The following SMIM27 variants were observed in gnomAD, a reference collection of about 807,000 sequenced individuals.
The protein encoded by SMIM27 is transition zone microprotein 1, also known as TOPORS antisense RNA 1 (non-protein coding).
In SMIM27, 3 loss-of-function variants were observed where a neutral mutation model predicts 1.8. The observed-to-expected ratio is 1.65, with a 90% CI of 0.75 to 4.28. SMIM27 has a LOEUF of 4.28. SMIM27 is among the 30% of genes most tolerant of loss of function. SMIM27 has a pLI of 0.02. For synonymous variants in SMIM27, 19 were observed against 13.9 expected, an observed-to-expected ratio of 1.37 and a Z score of -0.82; for missense variants, 63 against 37.0, an observed-to-expected ratio of 1.70 and a Z score of -1.83.
chr9:32,553,974 A>G (rs1821381325), downstream of SMIM27: 5 of 1,416,068 alleles, frequency 3.5e-6, no homozygotes, highest in Admixed American at 1.8e-5. Flanking sequence ...GTTAGTACAA[A>G]AATCTTAAGT....
chr9:32,564,892 T>C (rs1476117722), intron 1 of SMIM27, among the ~76,000 whole-genome samples: 1 of 152,224 alleles, frequency 6.6e-6, no homozygotes, highest in East Asian at 1.9e-4. Flanking sequence ...AAATTAACGA[T>C]CGCTCACCAT....
chr9:32,566,176 C>T (rs1821783160), intron 1 of SMIM27: 1 of 728,142 alleles, frequency 1.4e-6, no homozygotes, highest in African/African-American at 1.8e-5. Context: ...AGGCCACTTC[C>T]TCTTCAACCT....
At chr9:32,558,965 A>G in intron 1 of SMIM27, 1 of 1,568,606 alleles carries the variant, frequency 6.4e-7, no homozygotes, top group East Asian at 2.2e-5. Flanking sequence ...CTGTAATAAA[A>G]GTTAACTCTG....
chr9:32,564,969 T>C (rs563857065), intron 1 of SMIM27, among the ~76,000 whole-genome samples: 3 of 152,154 alleles, frequency 2.0e-5, no homozygotes, highest in Non-Finnish European at 4.4e-5. Context: ...TTCATAGACA[T>C]TGGGAGGTTT....
chr9:32,552,583 A>G, intron 1 of SMIM27, 104 bp downstream of exon 1: 1 of 1,019,692 alleles, frequency 9.8e-7, no homozygotes, highest in East Asian at 2.6e-5. Flanking sequence ...TCCATTCCTG[A>G]ATTAAGCATT....
At chr9:32,554,949 T>A (rs551232673), downstream of SMIM27, among the ~76,000 whole-genome samples, 1 of 152,326 alleles carries the variant, frequency 6.6e-6, no homozygotes, top group African/African-American at 2.4e-5. Flanking sequence ...TAGTATGTGT[T>A]TGGATCCTTG....
At chr9:32,557,660 G>A (rs1563992049), downstream of SMIM27, among the ~76,000 whole-genome samples, 4 of 151,622 alleles carry the variant, frequency 2.6e-5, no homozygotes, top group Admixed American at 2.0e-4. Flanking sequence ...TGTATTTTTA[G>A]TAGAGACGGG....
downstream of SMIM27, chr9:32,553,549 A>G (rs1042707626): frequency 8.9e-6 from 2 of 224,314 alleles, no homozygotes; most frequent in African/African-American, 4.7e-5. Flanking sequence ...GTTTATTGTG[A>G]TATTTCACTG....
chr9:32,566,413 C>G, exon 2 of SMIM27: 1 of 877,148 alleles, frequency 1.1e-6, no homozygotes, highest in Non-Finnish European at 2.0e-6. Context: ...GAAGAGGAGC[C>G]TGCTCTCCCT....
At chr9:32,561,230 C>T (rs1364276437) in intron 1 of SMIM27, among the ~76,000 whole-genome samples, 3 of 152,152 alleles carry the variant, frequency 2.0e-5, no homozygotes, top group Non-Finnish European at 4.4e-5. Flanking sequence ...CCTCTTAGAA[C>T]TAACAATCTC....
At chr9:32,553,144 G>T, downstream of SMIM27, 1 of 420,310 alleles carries the variant, frequency 2.4e-6, no homozygotes, top group Non-Finnish European at 4.2e-6. Flanking sequence ...TCAGATCATA[G>T]TTGGAATAAG....
chr9:32,557,448 C>T (rs1272617258), downstream of SMIM27, among the ~76,000 whole-genome samples: 3 of 151,234 alleles, frequency 2.0e-5, no homozygotes, highest in East Asian at 2.0e-4. Context: ...TAATTACAGG[C>T]ATGAGCCCCC....
chr9:32,557,754 C>T (rs1463490071), downstream of SMIM27, among the ~76,000 whole-genome samples: 2 of 151,468 alleles, frequency 1.3e-5, no homozygotes, highest in African/African-American at 2.4e-5. Flanking sequence ...TGGGATTACA[C>T]GCGTGAGCCA....
chr9:32,552,235 C>A (rs1269575950), upstream of SMIM27: 2 of 675,978 alleles, frequency 3.0e-6, no homozygotes, highest in Non-Finnish European at 2.6e-6. Flanking sequence ...CTCTAAAAGG[C>A]GGGCAAGGCC....
downstream of SMIM27, among the ~76,000 whole-genome samples, chr9:32,557,060 G>A (rs1439767169): frequency 6.6e-6 from 1 of 150,430 alleles, no homozygotes; most frequent in African/African-American, 2.4e-5. Context: ...GTTTCACCAT[G>A]TTGGCCAGGC....
upstream of SMIM27, chr9:32,551,162 G>A (rs1028496080): frequency 1.5e-6 from 1 of 676,020 alleles, no homozygotes; most frequent in Non-Finnish European, 2.6e-6. Flanking sequence ...TCCAGACCCC[G>A]GAGGAGGGCA....
At chr9:32,566,297 A>T in intron 1 of SMIM27, 2 of 1,164,318 alleles carry the variant, frequency 1.7e-6, no homozygotes, top group South Asian at 2.4e-5. Context: ...GGCCATAAAA[A>T]TATTCCCAGT....
chr9:32,557,231 C>A (rs540892602), downstream of SMIM27, among the ~76,000 whole-genome samples: 2 of 149,274 alleles, frequency 1.3e-5, no homozygotes, highest in Admixed American at 1.3e-4. Flanking sequence ...GTGGCGCAAA[C>A]TCCGCACACT....
intron 1 of SMIM27, chr9:32,558,902 A>G (rs767430552): frequency 6.4e-7 from 1 of 1,553,348 alleles, no homozygotes; most frequent in Non-Finnish European, 8.8e-7. Flanking sequence ...AGAAGTGTTA[A>G]GACTTACAGG....
Sources: allele counts gnomAD v4.1 joint callset (sites outside exome capture counted in the v4.1 genomes callset), GRCh38; gene constraint gnomAD v4.1.1; transcripts MANE v1.5; gene names NCBI Gene and HGNC (gene_info 2026-07-23, HGNC 2026-07-21).